The following TARS3 variants were observed in gnomAD, a reference collection of about 807,000 sequenced individuals.
TARS3 encodes the protein threonyl-tRNA synthetase 3, also known as threonine--tRNA ligase 2, cytoplasmic.
A neutral mutation model predicts 103.5 loss-of-function variants in TARS3; 94 were observed. The ratio of observed to expected loss-of-function variants is 0.91; its 90% CI spans 0.77 to 1.08. The LOEUF (loss-of-function observed/expected upper bound fraction) is 1.08, where lower values mean the gene tolerates loss of function less well. TARS3 is among the 50% of genes least tolerant of loss of function. TARS3 has a pLI of 0.00. For synonymous variants in TARS3, 416 were observed against 355.4 expected (o/e 1.17, Z -1.92); for missense variants, 952 against 995.2 (o/e 0.96, Z 0.58).
intron 15 of TARS3, among the ~76,000 whole-genome samples, chr15:101,671,094 T>C (rs188354352): frequency 8.6e-4 from 131 of 152,232 alleles, no homozygotes; most frequent in African/African-American, 2.9e-3. Context: ...TTTTACTGTA[T>C]TATTTTTAAA....
At position 101,724,167 on chromosome 15, in the gene TARS3, C is replaced by G. The variant is rs760272618; in HGVS notation, c.221G>C (p.Cys74Ser). The change falls in exon 1 of 19, where the codon TGC becomes TCC. Residue 74 changes from cysteine (C) to serine (S), a missense_variant. Around this residue, in one of 2 missense-constraint regions of TARS3, gnomAD observed 412 missense variants for 364.2 expected, o/e 1.13. Coordinates refer to ENST00000335968, the MANE Select transcript of TARS3 (RefSeq NM_152334.3). ...CTGGCGGCTCCGCTCCTCGGCGAGG[C>G]ACAGCCGCAGGCTGCACAGGCGGTG... ...LRHRLCSLRL[C>S]LAEERSRQAT... The G allele has an allele frequency of 6.7e-7, 1 of 1,489,896 alleles. No homozygotes were observed. The highest frequency in any genetic ancestry group is 8.9e-7 in the Non-Finnish European group (1 of 1,122,340). 92.3% of individuals were successfully genotyped at this position (1,489,896 alleles called of 1,614,324 possible).
At chr15:101,691,309 T>C (rs1022726175) in intron 10 of TARS3, among the ~76,000 whole-genome samples, 5 of 151,236 alleles carry the variant, frequency 3.3e-5, no homozygotes, top group Non-Finnish European at 7.4e-5. Context: ...AAACAGAGTG[T>C]TGCTCTCTTG....
intron 4 of TARS3, 38 bp downstream of exon 4, chr15:101,714,802 C>T: frequency 6.3e-7 from 1 of 1,593,830 alleles, no homozygotes; most frequent in African/African-American, 1.3e-5. Flanking sequence ...TACAACATAA[C>T]TACCCAAAGT....
At chr15:101,715,629 T>C (rs924296827) in intron 3 of TARS3, among the ~76,000 whole-genome samples, 5 of 152,204 alleles carry the variant, frequency 3.3e-5, no homozygotes, top group Admixed American at 6.5e-5. Context: ...GCCGACATAA[T>C]TGTATAGCTT....
intron 6 of TARS3, 145 bp from the exon 7 acceptor site, chr15:101,705,892 T>C (rs768831194): frequency 2.9e-6 from 2 of 701,040 alleles, no homozygotes; most frequent in Non-Finnish European, 4.9e-6. Flanking sequence ...CTCACAGCCT[T>C]GAGCGACACC....
chr15:101,703,874 G>A lies in TARS3; in HGVS notation c.1059C>T (p.Thr353=). 1 of 1,611,864 alleles carries A rather than the reference G, an allele frequency of 6.2e-7. No individual in the cohort carries two copies. The highest frequency in any genetic ancestry group is 8.5e-7 in the Non-Finnish European group (1 of 1,178,748). The change falls in exon 8 of 19, where the codon ACC becomes ACT. Residue 353 remains threonine, a synonymous_variant. Coordinates refer to ENST00000335968, the MANE Select transcript of TARS3 (RefSeq NM_152334.3). ...PHVRHTGKIK[T]IKIFKNSSTY... Reference sequence around the variant, plus strand: ...CAATCCTTACCTTAAAAATTTTGATGGTTTTAATTTTTCCAGTGTGTCTTA... The same window carrying A: ...CAATCCTTACCTTAAAAATTTTGATAGTTTTAATTTTTCCAGTGTGTCTTA...
chr15:101,702,589 G>A (rs973203118), intron 8 of TARS3, among the ~76,000 whole-genome samples: 1 of 152,118 alleles, frequency 6.6e-6, no homozygotes. Context: ...GGACAACGTG[G>A]CAAAACCCCA....
intron 10 of TARS3, among the ~76,000 whole-genome samples, chr15:101,692,028 T>C (rs1384609656): frequency 6.6e-6 from 1 of 152,242 alleles, no homozygotes; most frequent in Non-Finnish European, 1.5e-5. Flanking sequence ...TTCCTCATAA[T>C]AAATCTCTTC....
Position 101,714,945 on chromosome 15 carries a change from G to A in TARS3, c.585C>T (p.Ser195=), listed in dbSNP as rs1321770727. ...AAEISQELAE[S]TVIAKVNGEL... is the part of the protein sequence containing the mutation. ...CACCATTGACTTTGGCTATTACCGT[G>A]CTTTCAGCCAGTTCCTGACTAAGAA... The change falls in exon 4 of 19, where the codon AGC becomes AGT. Residue 195 remains serine (S), a synonymous_variant. Coordinates refer to ENST00000335968, the MANE Select transcript of TARS3 (RefSeq NM_152334.3). 1.9e-6 allele frequency: 3 copies of A among 1,609,716 alleles called. No individual in the cohort carries two copies. Among genetic ancestry groups the A allele is most frequent in the South Asian group, 2.2e-5 (2 of 90,414 alleles).
intron 10 of TARS3, chr15:101,696,066 A>C (rs1415192380): frequency 6.7e-6 from 1 of 149,490 alleles, no homozygotes; most frequent in Non-Finnish European, 1.5e-5. Context: ...AAAATTAGCC[A>C]GGCATGGTGG....
chr15:101,709,684 C>A (rs897337525), intron 5 of TARS3, among the ~76,000 whole-genome samples: 2 of 152,210 alleles, frequency 1.3e-5, no homozygotes, highest in African/African-American at 4.8e-5. Flanking sequence ...TGTCTTCCCC[C>A]AAACACTGTT....
rs35108247 is a variant in TARS3, at chr15:101,676,673, A to AT, written c.1651-937dup. ...GCCACCATGCTCGGCTAATTTTTGT[A>AT]TTTTTTTTTTTTTAGTAGAGAAGGG... On this transcript the variant is annotated intron_variant, in intron 12 of 18. Coordinates refer to ENST00000335968, the MANE Select transcript of TARS3 (RefSeq NM_152334.3). Among the ~76,000 whole-genome samples the AT allele has an allele frequency of 8.0e-3, 1,103 of 137,702 alleles. 13 individuals carry two copies. The highest frequency in any genetic ancestry group is 0.025 in the African/African-American group (968 of 38,216). The allele number at this position is 137,702 out of a possible 152,430, so 90.3% of individuals were successfully genotyped here.
chr15:101,668,669 A>G (rs565997263), intron 15 of TARS3, among the ~76,000 whole-genome samples: 1 of 152,318 alleles, frequency 6.6e-6, no homozygotes, highest in Non-Finnish European at 1.5e-5. Context: ...TACAGTGTGA[A>G]GCATGATAAA....
chr15:101,714,794 C>T (rs371496591), intron 4 of TARS3, 46 bp downstream of exon 4: 4 of 1,587,446 alleles, frequency 2.5e-6, no homozygotes, highest in Non-Finnish European at 3.4e-6. Context: ...ATGTAGTTTA[C>T]AACATAACTA....
chr15:101,659,366 G>A (rs1897296750), intron 16 of TARS3, among the ~76,000 whole-genome samples: 2 of 152,066 alleles, frequency 1.3e-5, no homozygotes, highest in African/African-American at 4.8e-5. Flanking sequence ...GAAATACAGG[G>A]TATATAATGG....
chr15:101,671,593 A>G lies in TARS3; in HGVS notation c.1867-7T>C. 1 of 1,610,100 alleles carries G rather than the reference A, an allele frequency of 6.2e-7. No individual in the cohort carries two copies. ...CCTTGATTTTTATGTCAATCTACAA[A>G]TTAAATAATGTTTGCTCAGAAAAGA... On this transcript the variant is annotated splice_region_variant and splice_polypyrimidine_tract_variant and intron_variant, in intron 14 of 18. Coordinates refer to ENST00000335968, the MANE Select transcript of TARS3 (RefSeq NM_152334.3).
chr15:101,655,667 C>T (rs1041678360), intron 18 of TARS3, among the ~76,000 whole-genome samples: 1 of 147,538 alleles, frequency 6.8e-6, no homozygotes, highest in African/African-American at 2.6e-5. Flanking sequence ...GGAGCTCTTA[C>T]AGACTCACAG....
At chr15:101,721,749 CCT>C (rs1900473418) in intron 2 of TARS3, among the ~76,000 whole-genome samples, 1 of 152,176 alleles carries the variant, frequency 6.6e-6, no homozygotes, top group African/African-American at 2.4e-5. Context: ...CCTGCCTTGG[CCT>C]CCCAAAATGC....
intron 10 of TARS3, 27 bp downstream of exon 10, chr15:101,701,056 TAAG>T (rs1472922362): frequency 4.4e-6 from 6 of 1,368,988 alleles, no homozygotes; most frequent in Admixed American, 4.8e-5. Flanking sequence ...TGGAATTGAA[TAAG>T]AATAAAACAT....
Sources: allele counts gnomAD v4.1 joint callset (sites outside exome capture counted in the v4.1 genomes callset), GRCh38; gene constraint gnomAD v4.1.1; regional missense constraint gnomAD v4.1.1; transcripts MANE v1.5; gene names NCBI Gene and HGNC (gene_info 2026-07-23, HGNC 2026-07-21).